Variants in RALGAPA1 observed in about 807,000 individuals in gnomAD.
The protein encoded by RALGAPA1 is Ral GTPase activating protein catalytic subunit alpha 1, also known as ral GTPase-activating protein subunit alpha-1.
In RALGAPA1, 52 loss-of-function variants were observed where a neutral mutation model predicts 269.6. The observed-to-expected ratio is 0.19, with a 90% confidence interval of 0.15 to 0.24. The LOEUF (loss-of-function observed/expected upper bound fraction) is 0.24, where lower values mean the gene tolerates loss of function less well. RALGAPA1 is among the 10% of genes least tolerant of loss of function. The probability of loss-of-function intolerance (pLI) is 1.00; values close to 1 mark genes in which losing one functional copy is unlikely to be tolerated. For missense variants in RALGAPA1, 1,917 were observed against 3,013.9 expected (o/e 0.64, Z 8.52); for synonymous variants, 817 against 1,008.3 (o/e 0.81, Z 3.60).
At chr14:35,649,906 G>A (rs147407029) in intron 31 of RALGAPA1, among the ~76,000 whole-genome samples, 1,563 of 152,214 alleles carry the variant, frequency 0.01, 13 homozygotes, top group Non-Finnish European at 0.015. Context: ...AATAAATTTA[G>A]TGGGCAAGAA....
intron 33 of RALGAPA1, among the ~76,000 whole-genome samples, chr14:35,631,848 T>C (rs1012614496): frequency 1.2e-4 from 19 of 152,214 alleles, no homozygotes; most frequent in African/African-American, 4.6e-4. Flanking sequence ...ATAGGTCTTA[T>C]GAGTTTCTTT....
At chr14:35,789,073 T>C (rs2075983840) in intron 1 of RALGAPA1, among the ~76,000 whole-genome samples, 1 of 152,042 alleles carries the variant, frequency 6.6e-6, no homozygotes, top group African/African-American at 2.4e-5. Flanking sequence ...AATAAAAAAA[T>C]CAAACTACTA....
At chr14:35,603,814 A>G (rs2059425784) in intron 36 of RALGAPA1, among the ~76,000 whole-genome samples, 1 of 152,126 alleles carries the variant, frequency 6.6e-6, no homozygotes, top group Admixed American at 6.5e-5. Flanking sequence ...GAGGTAAAGA[A>G]TAGAATGACA....
chr14:35,645,346 G>GGTGGGTGTGT (rs1555387899), intron 31 of RALGAPA1, among the ~76,000 whole-genome samples: 4 of 129,562 alleles, frequency 3.1e-5, no homozygotes, highest in South Asian at 2.8e-4. Context: ...TATAGAGATG[G>GGTGGGTGTGT]GTGTGTGTGT....
At chr14:35,708,506 T>C (rs571687341) in intron 16 of RALGAPA1, among the ~76,000 whole-genome samples, 149 of 152,244 alleles carry the variant, frequency 9.8e-4, no homozygotes, top group Non-Finnish European at 1.6e-3. Flanking sequence ...AAAGGTGCTC[T>C]ACATCACTGA....
intron 37 of RALGAPA1, among the ~76,000 whole-genome samples, chr14:35,579,259 G>C (rs2057786127): frequency 6.6e-6 from 1 of 152,100 alleles, no homozygotes; most frequent in African/African-American, 2.4e-5. Context: ...TAAATGAAAA[G>C]GAAAAAGACA....
In RALGAPA1 at chr14:35,651,790, CAA is replaced by C; in HGVS notation, c.5676+13_5676+14del. On this transcript the variant is annotated intron_variant, in intron 31 of 41. Coordinates refer to ENST00000680220, the MANE Select transcript of RALGAPA1 (RefSeq NM_001346249.2). The stretch of plus-strand genomic sequence containing the variant: ...AAATAACCACATACTAATCATCAAA[CAA>C]AATTTAAATTACCCTCTTGTCCATT... 6.3e-7 allele frequency: 1 copy of C among 1,579,612 alleles called. No individual in the cohort carries two copies. Among genetic ancestry groups the C allele is most frequent in the South Asian group, 1.2e-5 (1 of 82,938 alleles).
intron 35 of RALGAPA1, among the ~76,000 whole-genome samples, chr14:35,623,884 T>C (rs1594861787): frequency 6.6e-6 from 1 of 151,996 alleles, no homozygotes; most frequent in Non-Finnish European, 1.5e-5. Context: ...TCGAGACCAT[T>C]CTGGCTAACA....
chr14:35,740,815 T>C (rs2141145041), intron 11 of RALGAPA1, among the ~76,000 whole-genome samples: 1 of 152,150 alleles, frequency 6.6e-6, no homozygotes, highest in African/African-American at 2.4e-5. Context: ...TTCAAAATAA[T>C]AATAATAATA....
chr14:35,652,125 T>C (rs776199209), intron 30 of RALGAPA1, among the ~76,000 whole-genome samples: 8 of 152,156 alleles, frequency 5.3e-5, no homozygotes, highest in Non-Finnish European at 1.2e-4. Flanking sequence ...AATGGATTTC[T>C]TCCCAATTCA....
chr14:35,660,481 A>T (rs1471626915), intron 27 of RALGAPA1, among the ~76,000 whole-genome samples: 1 of 152,110 alleles, frequency 6.6e-6, no homozygotes, highest in Non-Finnish European at 1.5e-5. Context: ...GAAAACTATA[A>T]AACACTGAGG....
intron 39 of RALGAPA1, among the ~76,000 whole-genome samples, chr14:35,570,385 A>G (rs1239362228): frequency 1.3e-5 from 2 of 152,122 alleles, no homozygotes; most frequent in African/African-American, 4.8e-5. Context: ...GGCTGGGTGC[A>G]GTGGCTCACA....
chr14:35,734,833 T>A (rs553602266), intron 12 of RALGAPA1, among the ~76,000 whole-genome samples: 1 of 151,702 alleles, frequency 6.6e-6, no homozygotes, highest in East Asian at 1.9e-4. Flanking sequence ...GAATCTACAA[T>A]GAATTCAAAT....
Position 35,728,342 on chromosome 14 carries a change from A to T in RALGAPA1, c.1736+20T>A. 6.5e-7 allele frequency: 1 copy of T among 1,539,992 alleles called. No homozygotes were observed. The highest frequency in any genetic ancestry group is 8.7e-7 in the Non-Finnish European group (1 of 1,147,968). ...TACACAATAAAAACACATAGACATAAAGGATAAAAATTTTTTTACCAAGTC... is the reference window on the plus strand; with the variant it reads ...TACACAATAAAAACACATAGACATATAGGATAAAAATTTTTTTACCAAGTC... On this transcript the variant is annotated intron_variant, in intron 13 of 41. Transcript: ENST00000680220.
At chr14:35,607,645 G>C (rs1197939238) in intron 35 of RALGAPA1, among the ~76,000 whole-genome samples, 1 of 152,208 alleles carries the variant, frequency 6.6e-6, no homozygotes, top group East Asian at 1.9e-4. Flanking sequence ...CGTGACCCCA[G>C]GTCAGGTTGT....
At chr14:35,805,888 C>G (rs1189737557) in intron 1 of RALGAPA1, among the ~76,000 whole-genome samples, 1 of 151,938 alleles carries the variant, frequency 6.6e-6, no homozygotes, top group Non-Finnish European at 1.5e-5. Context: ...CCCGGTTTCA[C>G]TCTGTTGGCC....
chr14:35,617,574 T>C (rs1402582614), intron 35 of RALGAPA1, among the ~76,000 whole-genome samples: 2 of 134,644 alleles, frequency 1.5e-5, no homozygotes, highest in Non-Finnish European at 1.5e-5. Context: ...GCCGTTATCA[T>C]GTCATTGAAC....
chr14:35,713,479 T>C (rs2068539417), intron 16 of RALGAPA1, among the ~76,000 whole-genome samples: 1 of 152,208 alleles, frequency 6.6e-6, no homozygotes, highest in Non-Finnish European at 1.5e-5. Context: ...AAACTCACAG[T>C]ACTCAACATT....
intron 41 of RALGAPA1, among the ~76,000 whole-genome samples, chr14:35,545,682 GA>G (rs1454532867): frequency 9.9e-5 from 15 of 151,908 alleles, no homozygotes; most frequent in Non-Finnish European, 1.8e-4. Flanking sequence ...TTTTAATGTT[GA>G]AATTGAGAAA....
Sources: allele counts gnomAD v4.1 joint callset (sites outside exome capture counted in the v4.1 genomes callset), GRCh38; gene constraint gnomAD v4.1.1; transcripts MANE v1.5; gene names NCBI Gene and HGNC (gene_info 2026-07-23, HGNC 2026-07-21).